The following ASAP2 variants were observed in gnomAD, a reference collection of about 807,000 sequenced individuals.
ASAP2 encodes the protein arf-GAP with SH3 domain, ANK repeat and PH domain-containing protein 2.
In ASAP2, 45 loss-of-function variants were observed where a neutral mutation model predicts 131.4. That is an observed-to-expected ratio of 0.34 (90% CI 0.27 to 0.44). The LOEUF (loss-of-function observed/expected upper bound fraction) is 0.44. Ranked by LOEUF, ASAP2 falls within the 20% of genes least tolerant of loss-of-function variation. ASAP2 has a pLI of 1.00. For missense variants in ASAP2, 1,011 were observed against 1,297.0 expected (o/e 0.78, Z 3.39); for synonymous variants, 510 against 503.0 (o/e 1.01, Z -0.19).
chr2:9,208,892 G>A (rs1661338573), intron 1 of ASAP2, among the ~76,000 whole-genome samples: 1 of 152,178 alleles, frequency 6.6e-6, no homozygotes, highest in Non-Finnish European at 1.5e-5. Context: ...GCTTGATTAT[G>A]TTTAAAGTTC....
intron 12 of ASAP2, among the ~76,000 whole-genome samples, chr2:9,351,457 C>T (rs7600712): frequency 0.92 from 139,885 of 152,226 alleles, 65,190 homozygotes; most frequent in Non-Finnish European, 1. Flanking sequence ...TCAGCACCCC[C>T]TAAATTAAAG....
chr2:9,260,638 G>T (rs1446459554), intron 1 of ASAP2, among the ~76,000 whole-genome samples: 1 of 152,098 alleles, frequency 6.6e-6, no homozygotes, highest in Non-Finnish European at 1.5e-5. Flanking sequence ...AGCAATCCTG[G>T]TGGTTCCTTC....
chr2:9,307,007 G>A (rs2148444855), intron 3 of ASAP2, among the ~76,000 whole-genome samples: 1 of 152,302 alleles, frequency 6.6e-6, no homozygotes, highest in South Asian at 2.1e-4. Context: ...AGGCAGTCAA[G>A]CTTGAGCAGC....
chr2:9,305,777 GA>G (rs1668879157), intron 3 of ASAP2, among the ~76,000 whole-genome samples: 1 of 151,708 alleles, frequency 6.6e-6, no homozygotes, highest in African/African-American at 2.4e-5. Context: ...CTGTAGTAGT[GA>G]GGTATAGATA....
In ASAP2 at chr2:9,389,006, A is replaced by G. The variant is rs557997228; in HGVS notation, c.2383+460A>G. Among the ~76,000 whole-genome samples the G allele has an allele frequency of 6.6e-6, 1 of 152,320 alleles. No homozygotes were observed. Among genetic ancestry groups the G allele is most frequent in the East Asian group, 1.9e-4 (1 of 5,184 alleles). The stretch of plus-strand genomic sequence containing the variant: ...TGATCCCCATAAAAGATATTGGGGA[A>G]CGATGCTCGGCCTAATTGTAAAATA... On this transcript the variant is annotated intron_variant, in intron 22 of 27. Transcript: ENST00000281419. The surrounding 1 kb of genome is among the most constrained non-coding windows in gnomAD (Gnocchi z 4.7).
intron 16 of ASAP2, 114 bp from the exon 17 acceptor site, chr2:9,374,641 C>A (rs1478770233): frequency 5.9e-6 from 6 of 1,013,810 alleles, no homozygotes; most frequent in African/African-American, 1.7e-5. Context: ...TCGGGGCCAG[C>A]GGTGCTTACC....
chr2:9,226,658 A>G (rs1014430676), intron 1 of ASAP2, among the ~76,000 whole-genome samples: 3 of 152,154 alleles, frequency 2.0e-5, no homozygotes, highest in African/African-American at 7.2e-5. Context: ...GGACTGTCCT[A>G]TGTCACTTCT....
At chr2:9,322,143 A>G (rs1670187044) in intron 5 of ASAP2, among the ~76,000 whole-genome samples, 1 of 152,168 alleles carries the variant, frequency 6.6e-6, no homozygotes, top group South Asian at 2.1e-4. Context: ...ATTAAACAAC[A>G]ACATCCCTCC....
chr2:9,362,118 A>G (rs1673134569), intron 15 of ASAP2, among the ~76,000 whole-genome samples: 1 of 152,132 alleles, frequency 6.6e-6, no homozygotes, highest in Non-Finnish European at 1.5e-5. Flanking sequence ...ATGTGCTAGC[A>G]TGTGAACCCC....
chr2:9,259,714 G>A (rs1250190573), intron 1 of ASAP2, among the ~76,000 whole-genome samples: 1 of 152,230 alleles, frequency 6.6e-6, no homozygotes, highest in Admixed American at 6.5e-5. Flanking sequence ...TTCCATTGAG[G>A]GCAGCAGAAC....
chr2:9,271,252 AT>A, intron 1 of ASAP2: 2 of 708,500 alleles, frequency 2.8e-6, no homozygotes, highest in Non-Finnish European at 5.2e-6. Context: ...TTGCAAGGAA[AT>A]CCTCACTTAA....
chr2:9,334,683 A>G (rs958340266), intron 7 of ASAP2, 55 bp from the exon 8 acceptor site: 2 of 1,541,354 alleles, frequency 1.3e-6, no homozygotes, highest in Non-Finnish European at 1.8e-6. Context: ...TCTGTCTGAC[A>G]AAATTATTTT....
intron 23 of ASAP2, 21 bp downstream of exon 23, chr2:9,391,217 C>T (rs1368756264): frequency 6.3e-7 from 1 of 1,599,234 alleles, no homozygotes; most frequent in Non-Finnish European, 8.5e-7. Context: ...TTCCTTTTTC[C>T]TTTCTTGCCC....
chr2:9,271,455 T>C lies in ASAP2; in HGVS notation c.127-7862T>C, dbSNP rs892631950. The stretch of plus-strand genomic sequence containing the variant: ...CAAACTTCTTAAACGCCTTCACTGG[T>C]TTCTTTTTGGTGTAATCATCAGCGA... On this transcript the variant is annotated intron_variant, in intron 1 of 27. Transcript: ENST00000281419. The C allele has an allele frequency of 3.6e-6, 5 of 1,405,164 alleles. No homozygotes were observed. The East Asian group carries it at 1.1e-4, about 32-fold the overall frequency. 87.0% of individuals were successfully genotyped at this position (1,405,164 alleles called of 1,614,324 possible). A position where few individuals can be genotyped will look rare whatever the true frequency, so the allele number is the denominator to read the frequency against.
intron 1 of ASAP2, among the ~76,000 whole-genome samples, chr2:9,227,304 C>T (rs1049185691): frequency 6.6e-6 from 1 of 152,168 alleles, no homozygotes; most frequent in African/African-American, 2.4e-5. Flanking sequence ...CCCCTGTGCC[C>T]TGCAGTGCCT....
In ASAP2 at chr2:9,217,060, A is replaced by G. The variant is rs754037735; in HGVS notation, c.126+9830A>G. 2.0e-5 allele frequency among the ~76,000 whole-genome samples: 3 copies of G among 152,188 alleles called. No individual in the cohort carries two copies. The highest frequency in any genetic ancestry group is 7.2e-5 in the African/African-American group (3 of 41,458). ...ACCAAGTTCATGGAGCTTGGAGGTG[A>G]TGAAGCCAGGATTCATTCAAATCAA... On this transcript the variant is annotated intron_variant, in intron 1 of 27. Transcript: ENST00000281419. The surrounding 1 kb of genome is among the most constrained non-coding windows in gnomAD (Gnocchi z 4.0).
At position 9,270,785 on chromosome 2, in the gene ASAP2, A is replaced by ATTTTTTTTTTTTTTTTT. The variant is rs35913703; in HGVS notation, c.127-8523_127-8507dup. Among the ~76,000 whole-genome samples, 146 of 52,936 alleles carry ATTTTTTTTTTTTTTTTT rather than the reference A, an allele frequency of 2.8e-3. 15 individuals carry two copies. Among genetic ancestry groups the ATTTTTTTTTTTTTTTTT allele is most frequent in the Middle Eastern group, 0.021 (1 of 48 alleles). 34.7% of individuals were successfully genotyped at this position (52,936 alleles called of 152,430 possible). ...AGTCTCCATGAGTTCAATTGTTTTC[A>ATTTTTTTTTTTTTTTTT]TTTTTTTTTTTTTTTTTTTTTTTTT... On this transcript the variant is annotated intron_variant, in intron 1 of 27. Coordinates refer to ENST00000281419, the MANE Select transcript of ASAP2 (RefSeq NM_003887.3).
chr2:9,213,003 T>C (rs1661706496), intron 1 of ASAP2, among the ~76,000 whole-genome samples: 1 of 152,240 alleles, frequency 6.6e-6, no homozygotes, highest in African/African-American at 2.4e-5. Context: ...TGGGTGGGGC[T>C]TCGAGCCTTG....
chr2:9,207,447 C>A lies in ASAP2; in HGVS notation c.126+217C>A, dbSNP rs763646297. Among the ~76,000 whole-genome samples, 23 of 152,294 alleles carry A rather than the reference C, an allele frequency of 1.5e-4. No homozygotes were observed. Among genetic ancestry groups the A allele is most frequent in the Admixed American group, 2.6e-4 (4 of 15,310 alleles). ...GGCCTCTTTAAGACCTCCCCTCTCT[C>A]GGCCTCGTGGCCCTCGCGGGGTTCC... is the stretch of plus-strand genomic sequence containing the variant. On this transcript the variant is annotated intron_variant, in intron 1 of 27. Coordinates refer to ENST00000281419, the MANE Select transcript of ASAP2 (RefSeq NM_003887.3). The surrounding 1 kb of genome is among the most constrained non-coding windows in gnomAD (Gnocchi z 4.1).
Sources: gnomAD v4.1 joint callset for allele counts (sites outside exome capture counted in the v4.1 genomes callset) on GRCh38, gnomAD v4.1.1 for gene constraint, Gnocchi (gnomAD v3.1) non-coding constraint, MANE v1.5 for transcripts, NCBI Gene and HGNC (gene_info 2026-07-23, HGNC 2026-07-21) for gene names.